Variants in CCDC138 observed in about 807,000 individuals in gnomAD.
The protein encoded by CCDC138 is coiled-coil domain containing 138, also known as coiled-coil domain-containing protein 138.
Under a neutral mutation model 82.3 loss-of-function variants are expected in CCDC138, and 66 were observed. That is an observed-to-expected ratio of 0.80 (90% CI 0.66 to 0.98). CCDC138 has a LOEUF of 0.98. Among genes scored for constraint, CCDC138 ranks in the 50% least tolerant of loss-of-function variants. CCDC138 has a pLI of 0.00. For synonymous variants in CCDC138, 297 were observed against 265.4 expected, an observed-to-expected ratio of 1.12 and a Z score of -1.16; for missense variants, 816 against 758.9, an observed-to-expected ratio of 1.08 and a Z score of -0.88.
chr2:108,867,762 G>C (rs964364426), intron 13 of CCDC138, among the ~76,000 whole-genome samples: 1 of 152,162 alleles, frequency 6.6e-6, no homozygotes, highest in African/African-American at 2.4e-5. Flanking sequence ...TGAGGGATGG[G>C]CAACTGAAGG....
At chr2:108,805,377 T>C (rs1682680202) in intron 7 of CCDC138, among the ~76,000 whole-genome samples, 1 of 152,146 alleles carries the variant, frequency 6.6e-6, no homozygotes. Context: ...GACCTTCACA[T>C]TGCTCATGTT....
At chr2:108,841,335 A>T (rs1040258203) in intron 11 of CCDC138, among the ~76,000 whole-genome samples, 4 of 152,134 alleles carry the variant, frequency 2.6e-5, no homozygotes, top group Admixed American at 2.0e-4. Flanking sequence ...GTCCTGTTCT[A>T]TCAAGTGTGG....
At chr2:108,798,739 A>T (rs1351517953) in intron 6 of CCDC138, among the ~76,000 whole-genome samples, 153 bp downstream of exon 6, 15 of 101,778 alleles carry the variant, frequency 1.5e-4, no homozygotes, top group Admixed American at 1.1e-3. Flanking sequence ...ACACACACAC[A>T]CTTTTTCTGA....
intron 3 of CCDC138, among the ~76,000 whole-genome samples, chr2:108,789,259 T>G (rs1395850697): frequency 6.6e-6 from 1 of 152,192 alleles, no homozygotes; most frequent in African/African-American, 2.4e-5. Flanking sequence ...AGGACCCAAA[T>G]GAAGACTCTG....
intron 14 of CCDC138, 127 bp from the exon 15 acceptor site, chr2:108,875,961 A>G (rs1695967894): frequency 1.7e-6 from 1 of 588,624 alleles, no homozygotes; most frequent in Non-Finnish European, 2.9e-6. Flanking sequence ...TTAGTTGCCT[A>G]TTTTCTCCAC....
rs144518921 is a variant in CCDC138, at chr2:108,811,245, C to CTTTTTTTTTTTT, written c.856-1385_856-1384insTTTTTTTTTTTT. ...CTCTCCCTTTTCTTTCTTTCTCTCT[C>CTTTTTTTTTTTT]TCTTTTTTTTTTTTTTTGACTGTCT... On this transcript the variant is annotated intron_variant, in intron 7 of 14. Coordinates refer to ENST00000295124, the MANE Select transcript of CCDC138 (RefSeq NM_144978.3). Among the ~76,000 whole-genome samples the CTTTTTTTTTTTT allele has an allele frequency of 9.0e-4, 99 of 109,604 alleles. 19 individuals carry two copies. The highest frequency in any genetic ancestry group is 2.6e-3 in the African/African-American group (63 of 23,866). The allele number at this position is 109,604 out of a possible 152,430, so 71.9% of individuals were successfully genotyped here. A position where few individuals can be genotyped will look rare whatever the true frequency, so the allele number is the denominator to read the frequency against.
chr2:108,825,514 T>C (rs934685247), intron 10 of CCDC138, among the ~76,000 whole-genome samples: 1 of 152,172 alleles, frequency 6.6e-6, no homozygotes, highest in African/African-American at 2.4e-5. Flanking sequence ...CTGCTTTCTG[T>C]CTTTATAGAT....
exon 3 of CCDC138, chr2:108,885,358 T>TTTCC (rs1195507699): frequency 6.6e-6 from 1 of 152,214 alleles, no homozygotes; most frequent in East Asian, 1.9e-4. Flanking sequence ...TGCATCCAAA[T>TTTCC]TTGAGATGAT....
intron 10 of CCDC138, among the ~76,000 whole-genome samples, chr2:108,829,952 TG>T (rs933105713): frequency 6.6e-6 from 1 of 152,144 alleles, no homozygotes; most frequent in African/African-American, 2.4e-5. Context: ...AGCAGAGGCT[TG>T]AACAGATATT....
chr2:108,810,872 G>A (rs1193612965), intron 7 of CCDC138, among the ~76,000 whole-genome samples: 1 of 152,098 alleles, frequency 6.6e-6, no homozygotes, highest in African/African-American at 2.4e-5. Flanking sequence ...CTTATGATTG[G>A]TCTGTTCTAG....
chr2:108,862,055 G>A (rs1482315629), intron 13 of CCDC138, among the ~76,000 whole-genome samples: 2 of 146,174 alleles, frequency 1.4e-5, no homozygotes, highest in African/African-American at 5.0e-5. Context: ...TATGGCCCAA[G>A]AGGATTCTTG....
chr2:108,820,500 C>T (rs1400879701), intron 10 of CCDC138, among the ~76,000 whole-genome samples: 1 of 151,902 alleles, frequency 6.6e-6, no homozygotes, highest in Non-Finnish European at 1.5e-5. Context: ...TCAAGGAACT[C>T]CAGAGAGGAC....
At chr2:108,827,194 C>T (rs1216534001) in intron 10 of CCDC138, among the ~76,000 whole-genome samples, 1 of 151,970 alleles carries the variant, frequency 6.6e-6, no homozygotes, top group Non-Finnish European at 1.5e-5. Flanking sequence ...ATTTTCATCA[C>T]TTTAAAATAA....
At chr2:108,844,995 C>T (rs955748731) in intron 11 of CCDC138, among the ~76,000 whole-genome samples, 2 of 151,990 alleles carry the variant, frequency 1.3e-5, no homozygotes, top group Non-Finnish European at 2.9e-5. Context: ...ATCCGCCTGC[C>T]TTGGCTTCCC....
rs560415684 is a variant in CCDC138 at position 108,829,245 on chromosome 2, C to T, written c.1207-9940C>T. Among the ~76,000 whole-genome samples the T allele has an allele frequency of 1.8e-4, 28 of 152,210 alleles. 2 individuals carry two copies. The South Asian group carries it at 5.8e-3, about 32-fold the overall frequency. ...AAATTGTGTATCTGACAAGCGATTG[C>T]TACCCACAATATATAAGGAACTCCT... On this transcript the variant is annotated intron_variant, in intron 10 of 14. Coordinates refer to ENST00000295124, the MANE Select transcript of CCDC138 (RefSeq NM_144978.3).
chr2:108,856,791 C>T lies in CCDC138; in HGVS notation c.1517-3C>T, dbSNP rs1416659925. 6.2e-7 allele frequency: 1 copy of T among 1,611,322 alleles called. No homozygotes were observed. Among genetic ancestry groups the T allele is most frequent in the East Asian group, 2.2e-5 (1 of 44,664 alleles). ...CAGTTGATTGTACATAACTATTTTC[C>T]AGCTGATTACCTGGCTCAGGCATTT... On this transcript the variant is annotated splice_region_variant and splice_polypyrimidine_tract_variant and intron_variant, in intron 12 of 14. Coordinates refer to ENST00000295124, the MANE Select transcript of CCDC138 (RefSeq NM_144978.3).
intron 6 of CCDC138, among the ~76,000 whole-genome samples, chr2:108,800,602 G>A (rs1681746589): frequency 1.0e-5 from 1 of 96,378 alleles, no homozygotes; most frequent in Non-Finnish European, 1.9e-5. Flanking sequence ...TCTCATCTCA[G>A]TTTAGCTTTT....
chr2:108,861,436 T>C (rs560182746), intron 13 of CCDC138, among the ~76,000 whole-genome samples: 5 of 151,958 alleles, frequency 3.3e-5, no homozygotes, highest in Non-Finnish European at 7.4e-5. Context: ...TATTTTTCTT[T>C]TTTTATGTAG....
intron 13 of CCDC138, among the ~76,000 whole-genome samples, chr2:108,862,622 A>T (rs1411500973): frequency 6.6e-6 from 1 of 152,226 alleles, no homozygotes; most frequent in Non-Finnish European, 1.5e-5. Context: ...GCCATTCCAC[A>T]ATGTTTACAT....
Sources: allele counts gnomAD v4.1 joint callset (sites outside exome capture counted in the v4.1 genomes callset), GRCh38; gene constraint gnomAD v4.1.1; transcripts MANE v1.5; gene names NCBI Gene and HGNC (gene_info 2026-07-23, HGNC 2026-07-21).